Variants in MYT1L observed in about 807,000 individuals in gnomAD.
MYT1L encodes the protein myelin transcription factor 1 like, also known as myelin transcription factor 1-like protein.
MYT1L carries 12 observed loss-of-function variants against 126.7 expected under a neutral mutation model. The ratio of observed to expected loss-of-function variants is 0.09; its 90% CI spans 0.06 to 0.15. MYT1L has a LOEUF of 0.15. MYT1L is among the 10% of genes least tolerant of loss of function. The pLI is 1.00. For synonymous variants in MYT1L, 541 were observed against 604.2 expected, an observed-to-expected ratio of 0.90 and a Z score of 1.53; for missense variants, 979 against 1,585.2, an observed-to-expected ratio of 0.62 and a Z score of 6.49.
At chr2:2,215,930 G>GT (rs2093662442) in intron 2 of MYT1L, among the ~76,000 whole-genome samples, 1 of 152,094 alleles carries the variant, frequency 6.6e-6, no homozygotes, top group South Asian at 2.1e-4. Flanking sequence ...TCATGGCACG[G>GT]TACTGTCTTC....
chr2:1,873,801 T>C (rs563783510), intron 18 of MYT1L, among the ~76,000 whole-genome samples: 39 of 152,300 alleles, frequency 2.6e-4, no homozygotes, highest in African/African-American at 8.4e-4. Context: ...AAATAGATCT[T>C]GACTTCCTGA....
Position 2,262,515 on chromosome 2 carries a change from AC to A in MYT1L, c.-421+21888del, listed in dbSNP as rs1157089774. Among the ~76,000 whole-genome samples, 7 of 151,938 alleles carry A rather than the reference AC, an allele frequency of 4.6e-5. No individual in the cohort carries two copies. The East Asian group carries it at 1.4e-3, about 30-fold the overall frequency. On this transcript the variant is annotated intron_variant, in intron 2 of 24. Coordinates refer to ENST00000647738, the MANE Select transcript of MYT1L (RefSeq NM_001303052.2). ...AGACCATCCAGGCTAACACAGTGAAACCCCGTCTCTACTAAAACTACAAAAA... is the reference window on the plus strand; with the variant it reads ...AGACCATCCAGGCTAACACAGTGAAACCCGTCTCTACTAAAACTACAAAAA...
intron 21 of MYT1L, among the ~76,000 whole-genome samples, chr2:1,838,490 T>C (rs1247955206): frequency 6.6e-6 from 1 of 152,092 alleles, no homozygotes; most frequent in African/African-American, 2.4e-5. Context: ...ATCGTACATG[T>C]GATGTGTGTA....
rs981245208 is a variant in MYT1L, at chr2:1,910,570, C to T, written c.1710-223G>A. Reference sequence around the variant, plus strand: ...GGTCTCCAGCAGAGAATGCTGGCGGCAGTGCTATGTGTGAGGTGTATTCAA... The same window carrying T: ...GGTCTCCAGCAGAGAATGCTGGCGGTAGTGCTATGTGTGAGGTGTATTCAA... On this transcript the variant is annotated intron_variant, in intron 12 of 24. Coordinates refer to ENST00000647738, the MANE Select transcript of MYT1L (RefSeq NM_001303052.2). The surrounding 1 kb of genome is among the most constrained non-coding windows in gnomAD (Gnocchi z 4.8). Among the ~76,000 whole-genome samples, 1 of 152,114 alleles carries T rather than the reference C, an allele frequency of 6.6e-6. No homozygotes were observed. The highest frequency in any genetic ancestry group is 2.4e-5 in the African/African-American group (1 of 41,412).
intron 4 of MYT1L, among the ~76,000 whole-genome samples, chr2:2,019,103 G>A (rs1466814469): frequency 2.6e-5 from 4 of 152,230 alleles, no homozygotes; most frequent in South Asian, 2.1e-4. Flanking sequence ...TAACATGCCC[G>A]ATATGGTTTC....
intron 23 of MYT1L, among the ~76,000 whole-genome samples, chr2:1,796,564 TG>T (rs954167949): frequency 6.6e-6 from 1 of 152,162 alleles, no homozygotes; most frequent in Admixed American, 6.5e-5. Context: ...CACCAGGAGC[TG>T]GGGGGTTTCT....
intron 1 of MYT1L, among the ~76,000 whole-genome samples, chr2:2,316,541 G>A (rs373581500): frequency 1.5e-4 from 23 of 152,188 alleles, no homozygotes; most frequent in Admixed American, 5.2e-4. Context: ...CCTGGCCTAC[G>A]TCCTGAGAAG....
chr2:1,996,944 G>A (rs1172681262), intron 5 of MYT1L, among the ~76,000 whole-genome samples: 1 of 134,414 alleles, frequency 7.4e-6, no homozygotes, highest in African/African-American at 2.9e-5. Flanking sequence ...GGGCTGCCCT[G>A]CCTCAGTGTG....
At chr2:1,970,658 A>C (rs2059746028) in intron 8 of MYT1L, among the ~76,000 whole-genome samples, 2 of 152,146 alleles carry the variant, frequency 1.3e-5, no homozygotes, top group Non-Finnish European at 2.9e-5. Flanking sequence ...GGCCACTGTC[A>C]CATCAGGACT....
intron 3 of MYT1L, among the ~76,000 whole-genome samples, chr2:2,134,284 G>A (rs541148532): frequency 7.9e-5 from 12 of 152,216 alleles, no homozygotes; most frequent in Non-Finnish European, 1.5e-4. Flanking sequence ...TTGCTACCAT[G>A]CCACGAAGAT....
chr2:1,839,075 C>G, intron 21 of MYT1L, 74 bp downstream of exon 21: 1 of 1,335,358 alleles, frequency 7.5e-7, no homozygotes, highest in South Asian at 1.4e-5. Flanking sequence ...CACCTGCTGC[C>G]GTCATAACCA....
At chr2:1,935,414 C>T (rs2055739459) in intron 9 of MYT1L, among the ~76,000 whole-genome samples, 1 of 152,030 alleles carries the variant, frequency 6.6e-6, no homozygotes, top group Non-Finnish European at 1.5e-5. Context: ...ATACTTGCTG[C>T]GTGTGGGGAG....
At chr2:2,206,315 T>G (rs534052916) in intron 2 of MYT1L, among the ~76,000 whole-genome samples, 2 of 152,308 alleles carry the variant, frequency 1.3e-5, no homozygotes, top group South Asian at 4.1e-4. Context: ...AACATCTATT[T>G]GTACCATTCA....
At chr2:2,180,717 C>T (rs1230340708) in intron 2 of MYT1L, among the ~76,000 whole-genome samples, 1 of 147,566 alleles carries the variant, frequency 6.8e-6, no homozygotes, top group Non-Finnish European at 1.5e-5. Flanking sequence ...TGTATCTGTA[C>T]CTGTGTGCCT....
intron 3 of MYT1L, among the ~76,000 whole-genome samples, chr2:2,094,887 G>A (rs1004248641): frequency 1.3e-5 from 2 of 152,060 alleles, no homozygotes; most frequent in Non-Finnish European, 2.9e-5. Context: ...TAACCTGCAC[G>A]TTGTGCACAT....
chr2:2,167,442 G>A (rs1036107134), intron 3 of MYT1L, among the ~76,000 whole-genome samples: 2 of 152,150 alleles, frequency 1.3e-5, no homozygotes, highest in African/African-American at 4.8e-5. Context: ...CCTGGACTCT[G>A]TCAACAGCTC....
At position 2,211,760 on chromosome 2, in the gene MYT1L, G is replaced by A. The variant is rs190652753; in HGVS notation, c.-420-38772C>T. Among the ~76,000 whole-genome samples the A allele has an allele frequency of 9.5e-4, 135 of 141,638 alleles. 1 individual carries two copies. Among genetic ancestry groups the A allele is most frequent in the African/African-American group, 3.4e-3 (128 of 38,026 alleles). The allele number at this position is 141,638 out of a possible 152,430, so 92.9% of individuals were successfully genotyped here. On this transcript the variant is annotated intron_variant, in intron 2 of 24. Coordinates refer to ENST00000647738, the MANE Select transcript of MYT1L (RefSeq NM_001303052.2). ...GCAGAGGTTGCAGTGAGCCAAAATC[G>A]CACCATTGCACTCCAGCCTGGGGAC...
At chr2:1,819,276 A>T (rs534603692) in intron 21 of MYT1L, among the ~76,000 whole-genome samples, 2 of 152,234 alleles carry the variant, frequency 1.3e-5, no homozygotes, top group South Asian at 2.1e-4. Flanking sequence ...CTATTCACTC[A>T]TCAGCAACAC....
intron 2 of MYT1L, among the ~76,000 whole-genome samples, chr2:2,218,787 C>A (rs908362320): frequency 7.2e-5 from 11 of 152,322 alleles, no homozygotes; most frequent in African/African-American, 2.2e-4. Flanking sequence ...GCCACACCCT[C>A]ATTTCTTGTC....
Sources: gnomAD v4.1 joint callset for allele counts (sites outside exome capture counted in the v4.1 genomes callset) on GRCh38, gnomAD v4.1.1 for gene constraint, Gnocchi (gnomAD v3.1) non-coding constraint, MANE v1.5 for transcripts, NCBI Gene and HGNC (gene_info 2026-07-23, HGNC 2026-07-21) for gene names.